CACNA1C: variants seen among roughly 807,000 people sequenced by gnomAD.
CACNA1C encodes the protein voltage-dependent L-type calcium channel subunit alpha-1C.
CACNA1C carries 30 observed loss-of-function variants against 229.0 expected under a neutral mutation model. The ratio of observed to expected loss-of-function variants is 0.13; its 90% CI spans 0.10 to 0.18. CACNA1C has a LOEUF of 0.18. Among genes scored for constraint, CACNA1C ranks in the 10% least tolerant of loss-of-function variants. The probability of loss-of-function intolerance (pLI) is 1.00; values close to 1 mark genes in which losing one functional copy is unlikely to be tolerated. For synonymous variants in CACNA1C, 1,114 were observed against 1,132.5 expected (o/e 0.98, Z 0.33); for missense variants, 1,658 against 2,845.0 (o/e 0.58, Z 9.49).
intron 3 of CACNA1C, among the ~76,000 whole-genome samples, chr12:2,378,491 G>A (rs1233200260): frequency 6.6e-6 from 1 of 152,208 alleles, no homozygotes; most frequent in Non-Finnish European, 1.5e-5. Context: ...GCACATAGAT[G>A]CCAACCAGTG....
intron 3 of CACNA1C, among the ~76,000 whole-genome samples, chr12:2,230,955 C>T (rs1160664506): frequency 1.3e-5 from 2 of 152,216 alleles, no homozygotes; most frequent in African/African-American, 4.8e-5. Flanking sequence ...TATCCAAACG[C>T]ATGCTTCTGA....
chr12:2,160,192 A>G (rs1162642601), intron 3 of CACNA1C, among the ~76,000 whole-genome samples: 1 of 152,070 alleles, frequency 6.6e-6, no homozygotes, highest in African/African-American at 2.4e-5. Context: ...TCCAGTGGTG[A>G]GTTGTCAGAA....
At chr12:2,136,286 GGA>G (rs1596940574) in intron 3 of CACNA1C, among the ~76,000 whole-genome samples, 1 of 151,292 alleles carries the variant, frequency 6.6e-6, no homozygotes, top group Non-Finnish European at 1.5e-5. Context: ...GCTGTAGACC[GGA>G]GCTGTTCCTA....
chr12:2,135,926 T>G (rs564326280), intron 3 of CACNA1C, among the ~76,000 whole-genome samples: 2,082 of 149,042 alleles, frequency 0.014, 41 homozygotes, highest in African/African-American at 0.042. Context: ...CCTTGCAGTT[T>G]GATCTCAGAC....
intron 1 of CACNA1C, among the ~76,000 whole-genome samples, chr12:2,098,727 C>T (rs1199532935): frequency 6.6e-6 from 1 of 152,198 alleles, no homozygotes; most frequent in Admixed American, 6.5e-5. Context: ...GTTTTAAAAA[C>T]CCAGCTTTCA....
At chr12:2,130,375 C>CA (rs2091912219) in intron 3 of CACNA1C, among the ~76,000 whole-genome samples, 1 of 145,468 alleles carries the variant, frequency 6.9e-6, no homozygotes, top group Non-Finnish European at 1.5e-5. Flanking sequence ...CATATGTATA[C>CA]ATGTGCCATG....
rs1328049974 is a variant in CACNA1C, at chr12:2,004,568, C to G, written c.139+33367C>G. ...GAGGCCTTCCGGCTCCAGTCACCCC[C>G]ACCCTCCTGCCCGCCGACAGACGCA... On this transcript the variant is annotated intron_variant, in intron 1 of 46. Transcript: ENST00000682462. The G allele has an allele frequency of 3.9e-6, 5 of 1,279,170 alleles. No homozygotes were observed. In the East Asian group the frequency reaches 1.0e-4, roughly 26 times the overall value. 79.2% of individuals were successfully genotyped at this position (1,279,170 alleles called of 1,614,324 possible).
At chr12:2,101,685 G>A (rs1336620600) in intron 1 of CACNA1C, among the ~76,000 whole-genome samples, 1 of 152,074 alleles carries the variant, frequency 6.6e-6, no homozygotes, top group Admixed American at 6.5e-5. Context: ...GGTTCCCAAG[G>A]GTGCCCGCCC....
At chr12:2,433,845 T>C (rs2154558970) in intron 3 of CACNA1C, among the ~76,000 whole-genome samples, 1 of 152,282 alleles carries the variant, frequency 6.6e-6, no homozygotes, top group South Asian at 2.1e-4. Context: ...TCTCCAAGTG[T>C]GGAATGGGCC....
At chr12:2,087,557 G>GT (rs1433269749) in intron 1 of CACNA1C, among the ~76,000 whole-genome samples, 6 of 152,138 alleles carry the variant, frequency 3.9e-5, no homozygotes, top group Non-Finnish European at 8.8e-5. Flanking sequence ...TAGAGTACAT[G>GT]TTTTTTTGTT....
At chr12:2,405,073 C>T (rs556660086) in intron 3 of CACNA1C, among the ~76,000 whole-genome samples, 23 of 152,326 alleles carry the variant, frequency 1.5e-4, no homozygotes, top group Non-Finnish European at 3.2e-4. Flanking sequence ...AACTCGGCTA[C>T]TCCCTGTGGG....
At chr12:2,667,666 AG>A (rs1347696837) in intron 37 of CACNA1C, among the ~76,000 whole-genome samples, 1 of 152,276 alleles carries the variant, frequency 6.6e-6, no homozygotes, top group East Asian at 1.9e-4. Context: ...TGCAGCCTGG[AG>A]GGGGCTAAAG....
intron 3 of CACNA1C, among the ~76,000 whole-genome samples, chr12:2,387,378 A>G (rs929766544): frequency 5.3e-5 from 8 of 152,096 alleles, no homozygotes; most frequent in African/African-American, 1.9e-4. Flanking sequence ...CCAGCCATCC[A>G]GGAGGCTGAC....
rs1246308035 is a variant in CACNA1C, at chr12:2,177,620, CCT to C, written c.477+57191_477+57192del. Among the ~76,000 whole-genome samples, 33 of 113,708 alleles carry C rather than the reference CCT, an allele frequency of 2.9e-4. 3 individuals are homozygous for C. The East Asian group carries it at 5.7e-3, about 20-fold the overall frequency. 74.6% of individuals were successfully genotyped at this position (113,708 alleles called of 152,430 possible). ...TCCTTCCTTCCTTCCTTCCTTCCTT[CCT>C]TCCTTCTCTCTCTCTTTCTTTCTTT... On this transcript the variant is annotated intron_variant, in intron 3 of 46. Transcript: ENST00000399655.
At chr12:2,565,475 G>GAAAAA (rs4016834) in intron 11 of CACNA1C, among the ~76,000 whole-genome samples, 1 of 117,744 alleles carries the variant, frequency 8.5e-6, no homozygotes, top group Non-Finnish European at 1.7e-5. Flanking sequence ...CTCCGTCTCA[G>GAAAAA]AAAAAAAAAA....
At chr12:2,438,179 G>T (rs1402466114) in intron 3 of CACNA1C, among the ~76,000 whole-genome samples, 2 of 25,844 alleles carry the variant, frequency 7.7e-5, no homozygotes, top group Non-Finnish European at 1.4e-4. Flanking sequence ...TGGTGGTGGG[G>T]ATGGTGGGAT....
chr12:2,631,514 C>T (rs2090394454), intron 29 of CACNA1C, among the ~76,000 whole-genome samples: 1 of 152,236 alleles, frequency 6.6e-6, no homozygotes, highest in Admixed American at 6.5e-5. Context: ...GGGGTCTTCA[C>T]TTCTTATTTC....
At chr12:2,606,010 C>T (rs971459382) in intron 24 of CACNA1C, among the ~76,000 whole-genome samples, 4 of 152,252 alleles carry the variant, frequency 2.6e-5, no homozygotes, top group African/African-American at 4.8e-5. Flanking sequence ...CTCCACTTCA[C>T]CTGCCCTTGA....
At position 1,972,278 on chromosome 12, in the gene CACNA1C, T is replaced by C. The variant is rs188225543; in HGVS notation, c.139+1077T>C. ...CACAAGAGTAGAATAATATTTTCAATGTAAGGATGGAGAATATCTAATCAT... is the reference window on the plus strand; with the variant it reads ...CACAAGAGTAGAATAATATTTTCAACGTAAGGATGGAGAATATCTAATCAT... On this transcript the variant is annotated intron_variant, in intron 1 of 46. Transcript: ENST00000682462. Among the ~76,000 whole-genome samples, 466 of 152,340 alleles carry C rather than the reference T, an allele frequency of 3.1e-3. 1 individual carries two copies. The highest frequency in any genetic ancestry group is 5.6e-3 in the Non-Finnish European group (383 of 68,022).
Sources: gnomAD v4.1 joint callset for allele counts (sites outside exome capture counted in the v4.1 genomes callset) on GRCh38, gnomAD v4.1.1 for gene constraint, MANE v1.5 for transcripts, NCBI Gene and HGNC (gene_info 2026-07-23, HGNC 2026-07-21) for gene names.